Variants in FAM78B observed in about 807,000 individuals in gnomAD.
FAM78B encodes protein FAM78B.
In FAM78B, 10 loss-of-function variants were observed where a neutral mutation model predicts 20.0. The observed-to-expected ratio is 0.50, with a 90% CI of 0.31 to 0.85. FAM78B has a LOEUF of 0.85. FAM78B is among the 40% of genes least tolerant of loss of function. The pLI is 0.05. For missense variants in FAM78B, 283 were observed against 345.0 expected (o/e 0.82, Z 1.42); for synonymous variants, 135 against 132.8 (o/e 1.02, Z -0.12).
chr1:166,163,904 G>C (rs1266935131), intron 1 of FAM78B, among the ~76,000 whole-genome samples: 1 of 152,122 alleles, frequency 6.6e-6, no homozygotes, highest in Non-Finnish European at 1.5e-5. Flanking sequence ...ATCAAAAGTG[G>C]CAGTTTAAAA....
At chr1:166,134,979 G>A (rs1571194128) in intron 1 of FAM78B, among the ~76,000 whole-genome samples, 2 of 152,188 alleles carry the variant, frequency 1.3e-5, no homozygotes, top group South Asian at 4.1e-4. Context: ...AGGATGAGAA[G>A]CCTTTAACAT....
intron 1 of FAM78B, among the ~76,000 whole-genome samples, chr1:166,099,715 A>G (rs1653433733): frequency 1.3e-5 from 2 of 152,230 alleles, no homozygotes; most frequent in Admixed American, 6.5e-5. Flanking sequence ...CTCGTCCAAA[A>G]GGAAAATATC....
intron 1 of FAM78B, among the ~76,000 whole-genome samples, chr1:166,105,607 G>A (rs931631295): frequency 4.6e-5 from 7 of 152,214 alleles, no homozygotes; most frequent in African/African-American, 1.7e-4. Context: ...ATGAAAAAAT[G>A]CTCATCATCA....
At chr1:166,128,514 C>T (rs1418943495) in intron 1 of FAM78B, among the ~76,000 whole-genome samples, 2 of 152,232 alleles carry the variant, frequency 1.3e-5, no homozygotes, top group Non-Finnish European at 2.9e-5. Context: ...ACTGTGACAA[C>T]TGAATGCGCT....
At chr1:166,163,722 A>G (rs1055006124) in intron 1 of FAM78B, among the ~76,000 whole-genome samples, 2 of 152,238 alleles carry the variant, frequency 1.3e-5, no homozygotes, top group African/African-American at 4.8e-5. Flanking sequence ...ATCTTGTGGA[A>G]ATTGGTTCAT....
At chr1:166,118,699 G>A (rs1654353358) in intron 1 of FAM78B, among the ~76,000 whole-genome samples, 1 of 152,114 alleles carries the variant, frequency 6.6e-6, no homozygotes, top group Non-Finnish European at 1.5e-5. Flanking sequence ...TGGCCCTTCA[G>A]AGAAAATGTT....
At chr1:166,111,416 C>G (rs1654053309) in intron 1 of FAM78B, among the ~76,000 whole-genome samples, 1 of 152,204 alleles carries the variant, frequency 6.6e-6, no homozygotes, top group African/African-American at 2.4e-5. Context: ...GTGTAGAGAA[C>G]AAGTTAGAAA....
At chr1:166,148,011 C>T (rs550200985) in intron 1 of FAM78B, 1 of 152,286 alleles carries the variant, frequency 6.6e-6, no homozygotes, top group East Asian at 1.9e-4. Context: ...CGGGTGGCTT[C>T]TGAATCTCAT....
intron 1 of FAM78B, among the ~76,000 whole-genome samples, chr1:166,074,376 T>A (rs1231611077): frequency 2.0e-5 from 3 of 152,230 alleles, no homozygotes; most frequent in Non-Finnish European, 4.4e-5. Context: ...AGCCTTCTCT[T>A]CCATGCACTC....
intron 1 of FAM78B, among the ~76,000 whole-genome samples, chr1:166,098,863 A>G (rs1653388080): frequency 6.6e-6 from 1 of 152,172 alleles, no homozygotes; most frequent in African/African-American, 2.4e-5. Flanking sequence ...TAGAGTTAAG[A>G]CCTAGACATC....
chr1:166,071,554 C>T (rs1652033276), intron 1 of FAM78B, among the ~76,000 whole-genome samples: 1 of 152,198 alleles, frequency 6.6e-6, no homozygotes, highest in Non-Finnish European at 1.5e-5. Flanking sequence ...ATGTCTCTAC[C>T]CCCTGCTGTA....
Position 166,166,407 on chromosome 1 carries a change from A to T in FAM78B, c.-159T>A. 2 of 533,138 alleles carry T rather than the reference A, an allele frequency of 3.8e-6. No individual in the cohort carries two copies. Among genetic ancestry groups the T allele is most frequent in the Non-Finnish European group, 4.9e-6 (2 of 411,018 alleles). The allele number at this position is 533,138 out of a possible 1,614,324, so 33.0% of individuals were successfully genotyped here. ...GGGAGCCGCCGGGCATCCTTGGGGA[A>T]GCCCCCTCCTCTTGCAGCCGCGCGG... On this transcript the variant is annotated 5_prime_UTR_variant, in exon 1 of 2. Transcript: ENST00000354422.
chr1:166,084,250 CTCTCTCTCTCTCTCTT>C (rs1206960088), intron 1 of FAM78B, among the ~76,000 whole-genome samples: 2 of 151,658 alleles, frequency 1.3e-5, no homozygotes, highest in Non-Finnish European at 2.9e-5. Context: ...CTCTCTCTCT[CTCTCTCTCTCTCTCTT>C]TCTCTCTCTC....
intron 1 of FAM78B, among the ~76,000 whole-genome samples, chr1:166,145,896 T>A (rs1238572497): frequency 6.6e-6 from 1 of 152,202 alleles, no homozygotes. Context: ...CTTTGGACAA[T>A]AAATATATTA....
chr1:166,166,194 C>G lies in FAM78B; in HGVS notation c.55G>C (p.Val19Leu), dbSNP rs771748940. Reference sequence around the variant, plus strand: ...ATGGTGGCGCACACATCGTACACCACGATGTTCTCGCGCCGGATCCGCGCC... The same window carrying G: ...ATGGTGGCGCACACATCGTACACCAGGATGTTCTCGCGCCGGATCCGCGCC... ...CKARIRRENI[V>L]VYDVCATIDQ... is the part of the protein sequence containing the mutation. The change falls in exon 1 of 2, where the codon GTG (valine) becomes CTG (leucine). Residue 19 changes from valine (V) to leucine (L), a missense_variant. Coordinates refer to ENST00000354422, the MANE Select transcript of FAM78B (RefSeq NM_001017961.5). 2 of 1,587,778 alleles carry G rather than the reference C, an allele frequency of 1.3e-6. No homozygotes were observed. The highest frequency in any genetic ancestry group is 1.8e-5 in the Admixed American group (1 of 56,936).
chr1:166,113,936 C>G (rs1052810865), intron 1 of FAM78B, among the ~76,000 whole-genome samples: 3 of 152,178 alleles, frequency 2.0e-5, no homozygotes, highest in Non-Finnish European at 2.9e-5. Flanking sequence ...CAGTGAAGGT[C>G]AAACACAGGT....
At chr1:166,154,835 T>C (rs765853238) in intron 1 of FAM78B, 1 of 473,286 alleles carries the variant, frequency 2.1e-6, no homozygotes. Context: ...AGCGTCCCCA[T>C]CTGTAAAAGA....
At chr1:166,157,069 G>A (rs1473783662) in intron 1 of FAM78B, among the ~76,000 whole-genome samples, 1 of 139,310 alleles carries the variant, frequency 7.2e-6, no homozygotes, top group Non-Finnish European at 1.5e-5. Context: ...CTTCCTCTGA[G>A]TTTGAACAGA....
chr1:166,138,818 T>A (rs1443011158), intron 1 of FAM78B, among the ~76,000 whole-genome samples: 1 of 152,252 alleles, frequency 6.6e-6, no homozygotes, highest in Non-Finnish European at 1.5e-5. Flanking sequence ...CATTACTGCA[T>A]CATTATTGCT....
Sources: gnomAD v4.1 joint callset for allele counts (sites outside exome capture counted in the v4.1 genomes callset) on GRCh38, gnomAD v4.1.1 for gene constraint, MANE v1.5 for transcripts, NCBI Gene and HGNC (gene_info 2026-07-23, HGNC 2026-07-21) for gene names.